The following ASPH variants were observed in gnomAD, a reference collection of about 807,000 sequenced individuals.
ASPH encodes the protein aspartyl/asparaginyl beta-hydroxylase.
In ASPH, 100 loss-of-function variants were observed where a neutral mutation model predicts 118.4. The observed-to-expected ratio is 0.84, with a 90% CI of 0.72 to 1.00. The LOEUF (loss-of-function observed/expected upper bound fraction) is 1.00, where lower values mean the gene tolerates loss of function less well. Ranked by LOEUF, ASPH falls within the 50% of genes least tolerant of loss-of-function variation. ASPH has a pLI of 0.00. For synonymous variants in ASPH, 315 were observed against 325.6 expected, an observed-to-expected ratio of 0.97 and a Z score of 0.35; for missense variants, 920 against 919.5, an observed-to-expected ratio of 1.00 and a Z score of -0.01.
intron 14 of ASPH, among the ~76,000 whole-genome samples, chr8:61,602,403 A>G (rs1182935846): frequency 3.3e-5 from 5 of 151,342 alleles, no homozygotes; most frequent in Non-Finnish European, 7.4e-5. Flanking sequence ...TCTAAAACCA[A>G]TTCCTGAAAA....
rs1323254403 is a variant in ASPH at position 61,712,903 on chromosome 8, G to A, written c.103+1366C>T. On this transcript the variant is annotated intron_variant, in intron 1 of 24. Coordinates refer to ENST00000379454, the MANE Select transcript of ASPH (RefSeq NM_004318.4). ...TTTGAAAACAACTAACATTAAAGTTGTTCATCAGCTTTCTCTGCTTAGTGC... is the reference window on the plus strand; with the variant it reads ...TTTGAAAACAACTAACATTAAAGTTATTCATCAGCTTTCTCTGCTTAGTGC... 2.6e-5 allele frequency among the ~76,000 whole-genome samples: 4 copies of A among 152,320 alleles called. No homozygotes were observed. In the East Asian group the frequency reaches 7.7e-4, roughly 29 times the overall value.
Position 61,714,515 on chromosome 8 carries a change from A to G in ASPH, c.-144T>C. 4 of 1,212,402 alleles carry G rather than the reference A, an allele frequency of 3.3e-6. No individual in the cohort carries two copies. Among genetic ancestry groups the G allele is most frequent in the Non-Finnish European group, 4.2e-6 (4 of 942,154 alleles). 75.1% of individuals were successfully genotyped at this position (1,212,402 alleles called of 1,614,324 possible). A position where few individuals can be genotyped will look rare whatever the true frequency, so the allele number is the denominator to read the frequency against. On this transcript the variant is annotated 5_prime_UTR_variant, in exon 1 of 25. Coordinates refer to ENST00000379454, the MANE Select transcript of ASPH (RefSeq NM_004318.4). ...CCTGCAGCAGACCCTGTGCCTCAGC[A>G]CCGCCTGCAGCACCTGGGAAGACTT... is the stretch of plus-strand genomic sequence containing the variant.
intron 21 of ASPH, among the ~76,000 whole-genome samples, chr8:61,527,580 G>A (rs758144220): frequency 4.6e-5 from 7 of 152,206 alleles, no homozygotes; most frequent in Admixed American, 6.6e-5. Context: ...ATTGTTAACG[G>A]AAGACCAATG....
intron 1 of ASPH, chr8:61,689,979 G>T: frequency 1.5e-6 from 1 of 664,168 alleles, no homozygotes; most frequent in Non-Finnish European, 2.0e-6. Flanking sequence ...TCTTTTCCCA[G>T]TTGGTCCTAG....
intron 21 of ASPH, among the ~76,000 whole-genome samples, chr8:61,527,206 T>G (rs978599576): frequency 6.6e-6 from 1 of 152,202 alleles, no homozygotes; most frequent in African/African-American, 2.4e-5. Flanking sequence ...AGTAGAATAT[T>G]CTAAAGATTG....
At position 61,576,808 on chromosome 8, in the gene ASPH, G is replaced by T; in HGVS notation, c.1113C>A (p.Tyr371Ter). 1 of 1,609,892 alleles carries T rather than the reference G, an allele frequency of 6.2e-7. No homozygotes were observed. Among genetic ancestry groups the T allele is most frequent in the Non-Finnish European group, 8.5e-7 (1 of 1,177,518 alleles). Residue 371 changes from tyrosine to a stop codon, truncating the protein, a stop_gained, in exon 16 of 25, where the codon TAC becomes TAA. Transcript: ENST00000379454. LOFTEE classifies it high-confidence loss of function. ...CATATCTTGCTCGTGGACTCTGAGG[G>T]TATTTGCGTACTAGTTCTTTAAATG... ...VNAFKELVRKYPQSPRARYGK... is the reference protein window; with the variant it reads ...VNAFKELVRK
intron 14 of ASPH, among the ~76,000 whole-genome samples, chr8:61,601,282 A>G (rs941751558): frequency 1.3e-5 from 2 of 151,184 alleles, no homozygotes; most frequent in African/African-American, 4.9e-5. Flanking sequence ...ACAATAGTAA[A>G]ATACACACCT....
chr8:61,563,460 A>G (rs1168036809), intron 17 of ASPH, among the ~76,000 whole-genome samples: 1 of 152,182 alleles, frequency 6.6e-6, no homozygotes, highest in African/African-American at 2.4e-5. Context: ...CATACTTTGC[A>G]CGCATGAATC....
At chr8:61,506,986 T>C (rs1417724936) in intron 24 of ASPH, among the ~76,000 whole-genome samples, 1 of 152,122 alleles carries the variant, frequency 6.6e-6, no homozygotes, top group African/African-American at 2.4e-5. Flanking sequence ...TGGAAACTAC[T>C]TAAAACACTA....
intron 16 of ASPH, among the ~76,000 whole-genome samples, chr8:61,569,552 A>G (rs902273448): frequency 3.3e-5 from 5 of 151,936 alleles, no homozygotes; most frequent in Non-Finnish European, 7.3e-5. Context: ...ATCAGCACAA[A>G]TTGACAAAAT....
intron 3 of ASPH, chr8:61,668,402 T>C: frequency 1.4e-6 from 1 of 698,464 alleles, no homozygotes; most frequent in South Asian, 2.1e-5. Context: ...AAATTCATCA[T>C]TAAAAAATAC....
intron 3 of ASPH, among the ~76,000 whole-genome samples, chr8:61,667,200 G>T (rs1273035823): frequency 6.6e-6 from 1 of 151,994 alleles, no homozygotes; most frequent in Non-Finnish European, 1.5e-5. Context: ...AATATCACAG[G>T]CTTATAAAGA....
chr8:61,534,100 A>G (rs190179682), intron 21 of ASPH, among the ~76,000 whole-genome samples: 308 of 152,256 alleles, frequency 2.0e-3, no homozygotes, highest in Non-Finnish European at 3.5e-3. Context: ...GGCATGCACC[A>G]CCATGCCCAG....
rs559826777 is a variant in ASPH at position 61,681,018 on chromosome 8, T to A, written c.272A>T (p.Asp91Val). 1.2e-6 allele frequency: 2 copies of A among 1,602,578 alleles called. No individual in the cohort carries two copies. The highest frequency in any genetic ancestry group is 1.7e-6 in the Non-Finnish European group (2 of 1,174,206). Residue 91 changes from aspartate (D) to valine (V), a missense_variant, in exon 3 of 25, where the codon GAT becomes GTT. Transcript: ENST00000379454. Reference sequence around the variant, plus strand: ...ATCAAAATCTCCATCACCATCAGCATCATAGATTCCTAGTTTTCCTATAAT... The same window carrying A: ...ATCAAAATCTCCATCACCATCAGCAACATAGATTCCTAGTTTTCCTATAAT... ...EEVLGKLGIY[D>V]ADGDGDFDVD...
At chr8:61,692,169 C>T (rs1832797775) in intron 1 of ASPH, among the ~76,000 whole-genome samples, 1 of 152,192 alleles carries the variant, frequency 6.6e-6, no homozygotes, top group South Asian at 2.1e-4. Context: ...CTTTCCTCCT[C>T]AGTTCACAAT....
intron 21 of ASPH, among the ~76,000 whole-genome samples, chr8:61,533,102 TTC>T (rs1472916847): frequency 1.3e-5 from 2 of 150,116 alleles, no homozygotes; most frequent in Non-Finnish European, 2.9e-5. Flanking sequence ...TCATTTCTTC[TTC>T]TTTTTTTTTT....
At chr8:61,559,091 T>C (rs1036741857) in intron 18 of ASPH, among the ~76,000 whole-genome samples, 1 of 152,166 alleles carries the variant, frequency 6.6e-6, no homozygotes, top group Non-Finnish European at 1.5e-5. Context: ...ATGGGGTACA[T>C]GAGATATTTT....
intron 16 of ASPH, 43 bp downstream of exon 16, chr8:61,576,729 T>A (rs532158834): frequency 6.5e-7 from 1 of 1,537,576 alleles, no homozygotes; most frequent in East Asian, 2.3e-5. Flanking sequence ...ACAAAACACA[T>A]GAACATCAAA....
At chr8:61,561,078 G>C (rs1829683760) in intron 18 of ASPH, among the ~76,000 whole-genome samples, 1 of 58,982 alleles carries the variant, frequency 1.7e-5, no homozygotes, top group African/African-American at 6.2e-5. Context: ...AAGGGAGAGA[G>C]GGAGGGAGGG....
Sources: gnomAD v4.1 joint callset for allele counts (sites outside exome capture counted in the v4.1 genomes callset) on GRCh38, gnomAD v4.1.1 for gene constraint, MANE v1.5 for transcripts, NCBI Gene and HGNC (gene_info 2026-07-23, HGNC 2026-07-21) for gene names.